Variants in EIF2AK1 observed in about 807,000 individuals in gnomAD.
The protein encoded by EIF2AK1 is eukaryotic translation initiation factor 2 alpha kinase 1.
In EIF2AK1, 54 loss-of-function variants were observed where a neutral mutation model predicts 77.9. That is an observed-to-expected ratio of 0.69 (90% CI 0.56 to 0.87). EIF2AK1 has a LOEUF of 0.87. EIF2AK1 is among the 40% of genes least tolerant of loss of function. The probability of loss-of-function intolerance (pLI) is 0.00; values close to 1 mark genes in which losing one functional copy is unlikely to be tolerated. For synonymous variants in EIF2AK1, 314 were observed against 290.5 expected, an observed-to-expected ratio of 1.08 and a Z score of -0.82; for missense variants, 810 against 768.6, an observed-to-expected ratio of 1.05 and a Z score of -0.64.
intron 11 of EIF2AK1, chr7:6,031,660 G>C: frequency 6.8e-7 from 1 of 1,476,322 alleles, no homozygotes; most frequent in Non-Finnish European, 9.2e-7. Flanking sequence ...ATGATCTAAA[G>C]CTGGTGAACC....
chr7:6,031,416 T>A, intron 11 of EIF2AK1: 2 of 1,550,798 alleles, frequency 1.3e-6, no homozygotes, highest in Non-Finnish European at 1.7e-6. Context: ...GACCTGGTGG[T>A]TGACAGTGCC....
chr7:6,056,613 A>AATATATATATATATATATATAT lies in EIF2AK1; in HGVS notation c.119-1931_119-1910dup, dbSNP rs71008353. Among the ~76,000 whole-genome samples, 51 of 43,706 alleles carry AATATATATATATATATATATAT rather than the reference A, an allele frequency of 1.2e-3. 1 individual carries two copies. The Middle Eastern group carries it at 0.059, about 50-fold the overall frequency. 28.7% of individuals were successfully genotyped at this position (43,706 alleles called of 152,430 possible). On this transcript the variant is annotated intron_variant, in intron 1 of 14. Coordinates refer to ENST00000199389, the MANE Select transcript of EIF2AK1 (RefSeq NM_014413.4). ...CATCTCAAGGGAAAAAAAAAAAAAA[A>AATATATATATATATATATATAT]ATATATATATATATATATATATAAA...
chr7:6,038,597 T>TC lies in EIF2AK1; in HGVS notation c.1193dup (p.Asn399LysfsTer37). 6.2e-7 allele frequency: 1 copy of TC among 1,613,114 alleles called. No individual in the cohort carries two copies. The highest frequency in any genetic ancestry group is 8.5e-7 in the Non-Finnish European group (1 of 1,179,574). ...CCACATACTCCCGGCCCCGCTTGTTTCTCTCGACTATCCAATCCCACAGCG... is the reference window on the plus strand; with the variant it reads ...CCACATACTCCCGGCCCCGCTTGTTTCCTCTCGACTATCCAATCCCACAGCG... On this transcript the variant is annotated frameshift_variant, in exon 10 of 15. Coordinates refer to ENST00000199389, the MANE Select transcript of EIF2AK1 (RefSeq NM_014413.4). LOFTEE classifies it high-confidence loss of function.
Position 6,054,566 on chromosome 7 carries a change from C to T in EIF2AK1, c.257G>A (p.Arg86His), listed in dbSNP as rs1350236166. 22 of 1,613,938 alleles carry T rather than the reference C, an allele frequency of 1.4e-5. No homozygotes were observed. Among genetic ancestry groups the T allele is most frequent in the African/African-American group, 9.3e-5 (7 of 74,884 alleles). ...LSHVHEPNPL[R>H]SRQVFKLLCQ... ...CTTACGCTTAAACACCTGTCTTGAA[C>T]GAAGTGGGTTTGGTTCATGCACGTG... The change falls in exon 2 of 15, where the codon CGT (arginine) becomes CAT (histidine). Residue 86 changes from arginine (R) to histidine (H), a missense_variant. Physicochemically the swap from Arg to His is conservative, Grantham distance 29. Coordinates refer to ENST00000199389, the MANE Select transcript of EIF2AK1 (RefSeq NM_014413.4).
intron 1 of EIF2AK1, among the ~76,000 whole-genome samples, chr7:6,056,613 A>ATATATATTATATATATAT: frequency 2.3e-5 from 1 of 43,730 alleles, no homozygotes; most frequent in Admixed American, 2.4e-4. Flanking sequence ...AAAAAAAAAA[A>ATATATATTATATATATAT]ATATATATAT....
chr7:6,026,665 T>A lies in EIF2AK1; in HGVS notation c.1764+63A>T. On this transcript the variant is annotated intron_variant, in intron 14 of 14. Coordinates refer to ENST00000199389, the MANE Select transcript of EIF2AK1 (RefSeq NM_014413.4). ...CCGGGGGCACCACCCAACCGCTTCC[T>A]TCCCCAAGAGAGGCAATAAAAACCA... 2.2e-6 allele frequency: 3 copies of A among 1,377,624 alleles called. No individual in the cohort carries two copies. In the South Asian group the frequency reaches 3.5e-5, roughly 16 times the overall value. The allele number at this position is 1,377,624 out of a possible 1,614,324, so 85.3% of individuals were successfully genotyped here.
At chr7:6,056,071 TCA>T (rs769220879) in intron 1 of EIF2AK1, among the ~76,000 whole-genome samples, 1 of 143,522 alleles carries the variant, frequency 7.0e-6, no homozygotes, top group East Asian at 2.1e-4. Context: ...GGCAAGCAGA[TCA>T]CCTGAGGTCA....
chr7:6,040,447 A>C (rs1022228642), intron 9 of EIF2AK1, among the ~76,000 whole-genome samples: 1 of 152,196 alleles, frequency 6.6e-6, no homozygotes, highest in Non-Finnish European at 1.5e-5. Context: ...TATGACCCTC[A>C]ACAAGAGCCT....
At chr7:6,028,296 G>A (rs1429286691) in intron 13 of EIF2AK1, among the ~76,000 whole-genome samples, 2 of 151,586 alleles carry the variant, frequency 1.3e-5, no homozygotes, top group African/African-American at 4.8e-5. Context: ...TTGTCATCCA[G>A]GATGGAGTGC....
At position 6,038,668 on chromosome 7, in the gene EIF2AK1, G is replaced by A. The variant is rs372398524; in HGVS notation, c.1123C>T (p.Gln375Ter). The A allele has an allele frequency of 3.7e-6, 6 of 1,605,362 alleles. No individual in the cohort carries two copies. Among genetic ancestry groups the A allele is most frequent in the Non-Finnish European group, 4.2e-6 (5 of 1,176,522 alleles). ...NVNFLGQTEA[Q>*]YHLMLHIQMQ... ...TGGATGTGCAGCATCAGGTGGTACT[G>A]TGCCTAGGAGAGGACACAGTGATGG... Residue 375 changes from glutamine (Q) to a stop codon, truncating the protein, a stop_gained, in exon 10 of 15, where the codon CAG becomes TAG. Coordinates refer to ENST00000199389, the MANE Select transcript of EIF2AK1 (RefSeq NM_014413.4). LOFTEE classifies it high-confidence loss of function.
In EIF2AK1 at chr7:6,035,759, C is replaced by G. The variant is rs554661015; in HGVS notation, c.1332+1665G>C. The G allele has an allele frequency of 2.4e-5, 37 of 1,551,172 alleles. No individual in the cohort carries two copies. The highest frequency in any genetic ancestry group is 3.2e-5 in the Non-Finnish European group (37 of 1,147,130). ...TGACACCCCTTCACATGGCCGCAAA[C>G]ATGCTGAATAAGGAGATGATGGAAA... On this transcript the variant is annotated intron_variant, in intron 11 of 14. Coordinates refer to ENST00000199389, the MANE Select transcript of EIF2AK1 (RefSeq NM_014413.4). The surrounding 1 kb of genome is among the most constrained non-coding windows in gnomAD (Gnocchi z 5.5).
At chr7:6,038,468 T>A in intron 10 of EIF2AK1, 92 bp downstream of exon 10, 1 of 819,160 alleles carries the variant, frequency 1.2e-6, no homozygotes, top group Non-Finnish European at 1.9e-6. Flanking sequence ...AAAATAAAAA[T>A]GAAAAAAAGC....
chr7:6,055,328 G>C (rs1788718430), intron 1 of EIF2AK1, among the ~76,000 whole-genome samples: 1 of 114,054 alleles, frequency 8.8e-6, no homozygotes, highest in African/African-American at 3.6e-5. Context: ...GGCAACAAGA[G>C]CGAAACTCCG....
chr7:6,040,146 G>C (rs7776700), intron 9 of EIF2AK1, among the ~76,000 whole-genome samples: 5,975 of 151,756 alleles, frequency 0.039, 404 homozygotes, highest in African/African-American at 0.14. Context: ...GGTGCCTCCC[G>C]GGTTCAAGCG....
intron 2 of EIF2AK1, among the ~76,000 whole-genome samples, chr7:6,052,865 A>T (rs895853897): frequency 3.9e-5 from 6 of 152,068 alleles, no homozygotes; most frequent in African/African-American, 1.4e-4. Context: ...CGGGAGGGTG[A>T]GGCAGGAGAA....
At chr7:6,031,483 C>G in intron 11 of EIF2AK1, 1 of 1,550,716 alleles carries the variant, frequency 6.4e-7, no homozygotes, top group South Asian at 1.2e-5. Flanking sequence ...ATGAAGCCAT[C>G]ATGAGAGAAG....
At chr7:6,044,690 T>G in intron 6 of EIF2AK1, 29 bp from the exon 7 acceptor site, 1 of 1,587,856 alleles carries the variant, frequency 6.3e-7, no homozygotes, top group Non-Finnish European at 8.6e-7. Flanking sequence ...TAGATCTGCC[T>G]TTTGCTGATA....
rs2128882725 is a variant in EIF2AK1 at position 6,022,861 on chromosome 7, G to A, written c.*1812C>T. On this transcript the variant is annotated 3_prime_UTR_variant, in exon 15 of 15. Transcript: ENST00000199389. ...GATGTTATGTATTGACTATCCCACA[G>A]ATGTATGCCTCTTCTGGTTTATGTT... 6.0e-6 allele frequency: 1 copy of A among 166,848 alleles called. No individual in the cohort carries two copies. Among genetic ancestry groups the A allele is most frequent in the Non-Finnish European group, 1.3e-5 (1 of 76,632 alleles). The allele number at this position is 166,848 out of a possible 1,614,324, so 10.3% of individuals were successfully genotyped here. A position where few individuals can be genotyped will look rare whatever the true frequency, so the allele number is the denominator to read the frequency against.
At chr7:6,043,907 TGG>T (rs1176194734) in intron 7 of EIF2AK1, among the ~76,000 whole-genome samples, 1 of 150,976 alleles carries the variant, frequency 6.6e-6, no homozygotes, top group South Asian at 2.1e-4. Context: ...AAGACTAGCT[TGG>T]GCAACATGGT....
Sources: gnomAD v4.1 joint callset for allele counts (sites outside exome capture counted in the v4.1 genomes callset) on GRCh38, gnomAD v4.1.1 for gene constraint, Gnocchi (gnomAD v3.1) non-coding constraint, MANE v1.5 for transcripts, NCBI Gene and HGNC (gene_info 2026-07-23, HGNC 2026-07-21) for gene names.